Variants in PRICKLE2 observed in about 807,000 individuals in gnomAD.
PRICKLE2 encodes the protein prickle-like protein 2.
In PRICKLE2, 21 loss-of-function variants were observed where a neutral mutation model predicts 81.4. The ratio of observed to expected loss-of-function variants is 0.26; its 90% CI spans 0.18 to 0.37. The LOEUF is 0.37. Among genes scored for constraint, PRICKLE2 ranks in the 10% least tolerant of loss-of-function variants. The pLI is 1.00. For synonymous variants in PRICKLE2, 456 were observed against 421.5 expected (o/e 1.08, Z -1.00); for missense variants, 940 against 1,109.0 (o/e 0.85, Z 2.16).
At chr3:64,189,247 T>C (rs2078290270) in intron 2 of PRICKLE2, among the ~76,000 whole-genome samples, 1 of 152,054 alleles carries the variant, frequency 6.6e-6, no homozygotes, top group Non-Finnish European at 1.5e-5. Flanking sequence ...GGGAAACAAA[T>C]CTTTGAAGCA....
intron 2 of PRICKLE2, among the ~76,000 whole-genome samples, chr3:64,245,023 A>C (rs1410468331): frequency 1.3e-5 from 2 of 152,228 alleles, no homozygotes; most frequent in Non-Finnish European, 2.9e-5. Flanking sequence ...ATGTGGAATT[A>C]AGTTATTTAG....
At chr3:64,105,147 T>G (rs1224999438) in intron 7 of PRICKLE2, among the ~76,000 whole-genome samples, 1 of 152,184 alleles carries the variant, frequency 6.6e-6, no homozygotes, top group African/African-American at 2.4e-5. Context: ...TCCCTTTGCA[T>G]GCCTGACTTC....
Position 64,098,965 on chromosome 3 carries a change from A to C in PRICKLE2, c.*86T>G. 17 of 1,513,394 alleles carry C rather than the reference A, an allele frequency of 1.1e-5. No homozygotes were observed. Among genetic ancestry groups the C allele is most frequent in the Non-Finnish European group, 1.0e-5 (11 of 1,092,828 alleles). 93.7% of individuals were successfully genotyped at this position (1,513,394 alleles called of 1,614,324 possible). A position where few individuals can be genotyped will look rare whatever the true frequency, so the allele number is the denominator to read the frequency against. On this transcript the variant is annotated 3_prime_UTR_variant, in exon 8 of 8. Coordinates refer to ENST00000638394, the MANE Select transcript of PRICKLE2 (RefSeq NM_198859.4). ...TTTTCTCCCCCATAAGCCACCCCCA[A>C]AAGCGCTTTAACATTTAAAACAGTG... is the stretch of plus-strand genomic sequence containing the variant.
intron 2 of PRICKLE2, among the ~76,000 whole-genome samples, chr3:64,266,440 G>C (rs1405096002): frequency 6.6e-6 from 1 of 152,216 alleles, no homozygotes; most frequent in Non-Finnish European, 1.5e-5. Context: ...AATCCAGAGA[G>C]AGCTGGGTAG....
chr3:64,100,124 G>A lies in PRICKLE2; in HGVS notation c.1661-199C>T, dbSNP rs75430537. 2.8e-3 allele frequency: 1,674 copies of A among 595,268 alleles called. 20 individuals are homozygous for A. The African/African-American group carries it at 0.029, about 10-fold the overall frequency. 36.9% of individuals were successfully genotyped at this position (595,268 alleles called of 1,614,324 possible). The stretch of plus-strand genomic sequence containing the variant: ...GTAGGTCACTATCTACCTAGAGGGG[G>A]CACTTACTTAAAATGCTTCCAGAGA... On this transcript the variant is annotated intron_variant, in intron 7 of 7. Transcript: ENST00000638394.
chr3:64,154,229 C>T (rs2077591000), intron 5 of PRICKLE2: 1 of 152,120 alleles, frequency 6.6e-6, no homozygotes, highest in African/African-American at 2.4e-5. Context: ...CAAACCCCTA[C>T]CTTACATCAT....
At chr3:64,126,841 G>T (rs950540139) in intron 7 of PRICKLE2, among the ~76,000 whole-genome samples, 1 of 152,108 alleles carries the variant, frequency 6.6e-6, no homozygotes, top group Non-Finnish European at 1.5e-5. Flanking sequence ...CTCCCAAAGT[G>T]CTGAGATTAC....
rs1376600653 is a variant in PRICKLE2 at position 64,159,797 on chromosome 3, G to A, written c.396+143C>T. On this transcript the variant is annotated intron_variant, in intron 4 of 7. Coordinates refer to ENST00000638394, the MANE Select transcript of PRICKLE2 (RefSeq NM_198859.4). Reference sequence around the variant, plus strand: ...TCCCCTAGAATCCAACTCCTTAGAAGGGCAAGATGAAACTTTCCCGTCTTT... The same window carrying A: ...TCCCCTAGAATCCAACTCCTTAGAAAGGCAAGATGAAACTTTCCCGTCTTT... The A allele has an allele frequency of 1.3e-5, 13 of 1,034,384 alleles. No homozygotes were observed. In the African/African-American group the frequency reaches 1.9e-4, roughly 15 times the overall value. The allele number at this position is 1,034,384 out of a possible 1,614,324, so 64.1% of individuals were successfully genotyped here.
intron 7 of PRICKLE2, chr3:64,146,604 A>G: frequency 2.0e-6 from 1 of 493,960 alleles, no homozygotes; most frequent in African/African-American, 2.2e-5. Flanking sequence ...TTAGCCAGGC[A>G]TGGTGGCGGG....
intron 2 of PRICKLE2, among the ~76,000 whole-genome samples, chr3:64,176,163 A>G (rs2078019334): frequency 6.6e-6 from 1 of 152,218 alleles, no homozygotes; most frequent in Non-Finnish European, 1.5e-5. Flanking sequence ...TTCCTTGAAT[A>G]GGACTAGCTG....
intron 7 of PRICKLE2, among the ~76,000 whole-genome samples, chr3:64,132,347 C>T (rs1333055220): frequency 6.6e-6 from 1 of 152,156 alleles, no homozygotes; most frequent in African/African-American, 2.4e-5. Context: ...TGGGTTTGAC[C>T]AATGGGAAAA....
At chr3:64,126,514 A>C (rs779008583) in intron 7 of PRICKLE2, among the ~76,000 whole-genome samples, 1 of 152,218 alleles carries the variant, frequency 6.6e-6, no homozygotes, top group Non-Finnish European at 1.5e-5. Flanking sequence ...ACAACACTGC[A>C]TGATGGTTAA....
intron 3 of PRICKLE2, 130 bp from the exon 4 acceptor site, chr3:64,160,207 C>A: frequency 1.1e-6 from 1 of 951,344 alleles, no homozygotes; most frequent in South Asian, 1.3e-5. Context: ...GAACTTTAAC[C>A]ACAACAGCCT....
intron 7 of PRICKLE2, among the ~76,000 whole-genome samples, chr3:64,129,902 C>G (rs1483690927): frequency 6.6e-6 from 1 of 152,142 alleles, no homozygotes; most frequent in Non-Finnish European, 1.5e-5. Context: ...ATCTGCTGAT[C>G]CCTTTCTGGG....
At chr3:64,164,753 G>T (rs1438360067) in intron 2 of PRICKLE2, among the ~76,000 whole-genome samples, 1 of 152,276 alleles carries the variant, frequency 6.6e-6, no homozygotes, top group South Asian at 2.1e-4. Context: ...ATGCCCAGGG[G>T]CAATAATGAA....
At chr3:64,255,399 G>C (rs56266839) in intron 2 of PRICKLE2, among the ~76,000 whole-genome samples, 43,382 of 152,062 alleles carry the variant, frequency 0.29, 7,140 homozygotes, top group Admixed American at 0.41. Context: ...TCCACTAAAG[G>C]GGAATGTTGC....
intron 7 of PRICKLE2, among the ~76,000 whole-genome samples, chr3:64,132,949 A>G (rs1424986268): frequency 6.6e-6 from 1 of 152,230 alleles, no homozygotes; most frequent in Non-Finnish European, 1.5e-5. Context: ...CTTTGAGTTC[A>G]TCTCTGGAAG....
rs534401174 is a variant in PRICKLE2 at position 64,109,260 on chromosome 3, T to C, written c.1661-9335A>G. ...GGAACTCTAAAAGTTATTTTCTCTC[T>C]AAACTCTTCTCAGAAAATTCACATT... On this transcript the variant is annotated intron_variant, in intron 7 of 7. Coordinates refer to ENST00000638394, the MANE Select transcript of PRICKLE2 (RefSeq NM_198859.4). 2.9e-4 allele frequency among the ~76,000 whole-genome samples: 44 copies of C among 152,320 alleles called. No homozygotes were observed. The South Asian group carries it at 8.9e-3, about 31-fold the overall frequency.
Position 64,147,812 on chromosome 3 carries a change from T to C in PRICKLE2, c.788-110A>G. 8.7e-7 allele frequency: 1 copy of C among 1,145,104 alleles called. No homozygotes were observed. Among genetic ancestry groups the C allele is most frequent in the Non-Finnish European group, 1.3e-6 (1 of 765,714 alleles). The allele number at this position is 1,145,104 out of a possible 1,614,324, so 70.9% of individuals were successfully genotyped here. ...TCTCAGGATTCCAGGTGCGGCAGGA[T>C]AAACTGTCAATAAATCAACAATCAG... On this transcript the variant is annotated intron_variant, in intron 6 of 7. Coordinates refer to ENST00000638394, the MANE Select transcript of PRICKLE2 (RefSeq NM_198859.4). The surrounding 1 kb of genome is among the most constrained non-coding windows in gnomAD (Gnocchi z 5.0).
Sources: allele counts gnomAD v4.1 joint callset (sites outside exome capture counted in the v4.1 genomes callset), GRCh38; gene constraint gnomAD v4.1.1; non-coding constraint Gnocchi (gnomAD v3.1); transcripts MANE v1.5; gene names NCBI Gene and HGNC (gene_info 2026-07-23, HGNC 2026-07-21).